Variants in VPS13C observed in about 807,000 individuals in gnomAD.
VPS13C encodes vacuolar protein sorting 13 homolog C, also known as intermembrane lipid transfer protein VPS13C.
Under a neutral mutation model 456.8 loss-of-function variants are expected in VPS13C, and 358 were observed. The observed-to-expected ratio is 0.78, with a 90% CI of 0.72 to 0.86. VPS13C has a LOEUF of 0.86. Ranked by LOEUF, VPS13C falls within the 40% of genes least tolerant of loss-of-function variation. The pLI, the probability that VPS13C is intolerant of heterozygous loss-of-function variation, is 0.00. For missense variants in VPS13C, 4,818 were observed against 4,385.4 expected (o/e 1.10, Z -2.79); for synonymous variants, 1,578 against 1,486.7 (o/e 1.06, Z -1.41).
chr15:61,993,771 GAATT>G (rs71768903), intron 16 of VPS13C, among the ~76,000 whole-genome samples: 8,072 of 151,966 alleles, frequency 0.053, 379 homozygotes, highest in African/African-American at 0.12. Context: ...AAATAAATAA[GAATT>G]AATATTTAAA....
intron 16 of VPS13C, among the ~76,000 whole-genome samples, chr15:61,992,970 T>C (rs1050489317): frequency 5.9e-5 from 9 of 152,012 alleles, no homozygotes; most frequent in Admixed American, 1.3e-4. Flanking sequence ...GCAGAGATCA[T>C]GATAAAGGGA....
intron 45 of VPS13C, among the ~76,000 whole-genome samples, chr15:61,943,055 T>C (rs1264143806): frequency 1.3e-5 from 2 of 152,064 alleles, no homozygotes; most frequent in African/African-American, 4.8e-5. Context: ...GAAATACATC[T>C]AACCAAGGAG....
At chr15:61,891,250 T>C (rs780461188) in intron 66 of VPS13C, among the ~76,000 whole-genome samples, 10 of 152,130 alleles carry the variant, frequency 6.6e-5, no homozygotes, top group African/African-American at 1.4e-4. Context: ...TTAATGAAAA[T>C]AGAACAGTTC....
At position 61,967,450 on chromosome 15, in the gene VPS13C, A is replaced by T; in HGVS notation, c.2912-3T>A. On this transcript the variant is annotated splice_region_variant and splice_polypyrimidine_tract_variant and intron_variant, in intron 28 of 84. Coordinates refer to ENST00000644861, the MANE Select transcript of VPS13C (RefSeq NM_020821.3). The stretch of plus-strand genomic sequence containing the variant: ...GTGAAGGGGCTTCCTTTTGGATCCT[A>T]GATTAAAGAAAAAGGAAAAAAAAGT... The T allele has an allele frequency of 6.3e-7, 1 of 1,580,216 alleles. No homozygotes were observed. The highest frequency in any genetic ancestry group is 2.3e-5 in the East Asian group (1 of 44,060).
intron 29 of VPS13C, among the ~76,000 whole-genome samples, chr15:61,967,043 T>C (rs1024172500): frequency 6.6e-6 from 1 of 151,940 alleles, no homozygotes; most frequent in African/African-American, 2.4e-5. Flanking sequence ...TTTATCCTTT[T>C]TGATGCAGGA....
chr15:61,864,565 T>C (rs987699066), intron 81 of VPS13C: 5 of 948,654 alleles, frequency 5.3e-6, no homozygotes, highest in Non-Finnish European at 6.3e-6. Context: ...ATATAATCAA[T>C]ATAACCACAA....
At chr15:61,856,134 A>T in intron 83 of VPS13C, 152 bp downstream of exon 83, 2 of 935,796 alleles carry the variant, frequency 2.1e-6, no homozygotes, top group Non-Finnish European at 3.0e-6. Context: ...AAATAAGTAC[A>T]GTTATTCAAA....
intron 67 of VPS13C, among the ~76,000 whole-genome samples, chr15:61,887,925 G>A (rs1453786287): frequency 2.0e-5 from 3 of 151,988 alleles, no homozygotes; most frequent in African/African-American, 7.2e-5. Context: ...CCACAGACTG[G>A]GAAAAAGTAT....
rs747919219 is a variant in VPS13C, at chr15:61,920,232, G to A, written c.7312C>T (p.Pro2438Ser). The A allele has an allele frequency of 1.2e-6, 2 of 1,613,470 alleles. No individual in the cohort carries two copies. Among genetic ancestry groups the A allele is most frequent in the Admixed American group, 1.7e-5 (1 of 59,960 alleles). ...NAVGVPIKVK[P>S]NCNLRVMGFP... Reference sequence around the variant, plus strand: ...CCCATTACTCTGAGATTACAATTGGGCTTCACCTTAATGGGAACACCTACA... The same window carrying A: ...CCCATTACTCTGAGATTACAATTGGACTTCACCTTAATGGGAACACCTACA... Residue 2438 changes from proline to serine, a missense_variant, in exon 57 of 85, where the codon CCC becomes TCC. Physicochemically the swap from Pro to Ser is moderately conservative, Grantham distance 74. Around this residue, in one of 3 missense-constraint regions of VPS13C, gnomAD observed 4,552 missense variants for 4,130.6 expected, o/e 1.10. Coordinates refer to ENST00000644861, the MANE Select transcript of VPS13C (RefSeq NM_020821.3).
At chr15:61,960,867 G>C (rs2045173314) in intron 35 of VPS13C, among the ~76,000 whole-genome samples, 2 of 152,146 alleles carry the variant, frequency 1.3e-5, no homozygotes. Context: ...CCTGATATCA[G>C]GAGTTTGAGA....
In VPS13C at chr15:61,958,652, C is replaced by A. The variant is rs1230482020; in HGVS notation, c.4121G>T (p.Gly1374Val). 3.6e-5 allele frequency: 56 copies of A among 1,574,948 alleles called. No individual in the cohort carries two copies. Among genetic ancestry groups the A allele is most frequent in the Non-Finnish European group, 4.7e-5 (55 of 1,165,466 alleles). ...TTTCACTTTATCCAAGTCTTCAGTA[C>A]CCTCACAGAGATTTTCTGTTAGTAT... Reference protein sequence around the residue: ...FRILTENLCEGTEDLDKVKPR... With the variant: ...FRILTENLCEVTEDLDKVKPR... The change falls in exon 37 of 85, where the codon GGT (glycine) becomes GTT (valine). Residue 1374 changes from glycine to valine, a missense_variant. Gly to Val is a moderately radical substitution (Grantham distance 109, BLOSUM62 -3). Around this residue, in one of 3 missense-constraint regions of VPS13C, gnomAD observed 4,552 missense variants for 4,130.6 expected, o/e 1.10. Coordinates refer to ENST00000644861, the MANE Select transcript of VPS13C (RefSeq NM_020821.3).
At chr15:61,975,258 A>G (rs2140362324) in intron 24 of VPS13C, among the ~76,000 whole-genome samples, 1 of 152,212 alleles carries the variant, frequency 6.6e-6, no homozygotes, top group East Asian at 1.9e-4. Context: ...AAGTAAGTAA[A>G]AGAAAGAAAT....
chr15:61,990,675 G>A (rs1321904897), intron 18 of VPS13C, among the ~76,000 whole-genome samples: 2 of 152,044 alleles, frequency 1.3e-5, no homozygotes, highest in African/African-American at 4.8e-5. Context: ...GCCAGGCAGG[G>A]TGGCAGGTGC....
intron 1 of VPS13C, among the ~76,000 whole-genome samples, chr15:62,056,260 T>C (rs1294785940): frequency 6.6e-6 from 1 of 152,228 alleles, no homozygotes; most frequent in Non-Finnish European, 1.5e-5. Context: ...CTTAGAGATA[T>C]ATGAATATCA....
chr15:61,955,571 C>G (rs1211695489), intron 37 of VPS13C, among the ~76,000 whole-genome samples: 1 of 152,152 alleles, frequency 6.6e-6, no homozygotes, highest in South Asian at 2.1e-4. Flanking sequence ...GGTTTCCTAA[C>G]TATCACCTTA....
rs200812059 is a variant in VPS13C at position 61,882,693 on chromosome 15, C to A, written c.9527G>T (p.Arg3176Leu). 2 of 1,594,476 alleles carry A rather than the reference C, an allele frequency of 1.3e-6. No homozygotes were observed. Among genetic ancestry groups the A allele is most frequent in the East Asian group, 2.3e-5 (1 of 44,084 alleles). ...TAAAAAGTCTCGTTTAATAGGGCTA[C>A]GAATAGGGAGGCGCATTTCCATTGG... ...KDPMEMRLPI[R>L]SPIKRDFLSG... is the part of the protein sequence containing the mutation. The change falls in exon 69 of 85, where the codon CGT becomes CTT. Residue 3176 changes from arginine (R) to leucine (L), a missense_variant. Around this residue, in one of 3 missense-constraint regions of VPS13C, gnomAD observed 4,552 missense variants for 4,130.6 expected, o/e 1.10. Coordinates refer to ENST00000644861, the MANE Select transcript of VPS13C (RefSeq NM_020821.3).
chr15:61,931,002 G>T lies in VPS13C; in HGVS notation c.6038+88C>A. The T allele has an allele frequency of 3.4e-6, 5 of 1,455,290 alleles. No homozygotes were observed. In the Admixed American group the frequency reaches 7.5e-5, roughly 22 times the overall value. 90.1% of individuals were successfully genotyped at this position (1,455,290 alleles called of 1,614,324 possible). On this transcript the variant is annotated intron_variant, in intron 50 of 84. Transcript: ENST00000644861. ...TGACCAAAAGACAGAGATCTTTTTTGGATGATCCCTAGCCTAGCAATGCCT... is the reference window on the plus strand; with the variant it reads ...TGACCAAAAGACAGAGATCTTTTTTTGATGATCCCTAGCCTAGCAATGCCT...
Position 61,909,125 on chromosome 15 carries a change from T to C in VPS13C, c.8845A>G (p.Asn2949Asp). 1 of 1,596,684 alleles carries C rather than the reference T, an allele frequency of 6.3e-7. No homozygotes were observed. The highest frequency in any genetic ancestry group is 8.5e-7 in the Non-Finnish European group (1 of 1,172,138). The change falls in exon 65 of 85, where the codon AAT (asparagine) becomes GAT (aspartate). Residue 2949 changes from asparagine (N) to aspartate (D), a missense_variant and splice_region_variant. Coordinates refer to ENST00000644861, the MANE Select transcript of VPS13C (RefSeq NM_020821.3). Reference protein sequence around the residue: ...NGTLLSLEDLNGGILVDVNTA... With the variant: ...NGTLLSLEDLDGGILVDVNTA... ...TTTACATCCACCAAGATACCCCCAT[T>C]CTATTGTAGAAAAAAAAAAAGTATG...
Position 61,919,312 on chromosome 15 carries a change from T to A in VPS13C, c.7615A>T (p.Ile2539Phe), listed in dbSNP as rs751310344. 3.7e-6 allele frequency: 6 copies of A among 1,605,330 alleles called. No homozygotes were observed. The highest frequency in any genetic ancestry group is 8.5e-7 in the Non-Finnish European group (1 of 1,176,326). ...ACCTGTAGAGGAGAGCGAAGGGTAA[T>A]TACTTTATTCCCTTCAGTTGCATCA... is the stretch of plus-strand genomic sequence containing the variant. ...QIDATEGNKVITLRSPLQIKN... is the reference protein window; with the variant it reads ...QIDATEGNKVFTLRSPLQIKN... Residue 2539 changes from isoleucine to phenylalanine, a missense_variant, in exon 58 of 85, where the codon ATT becomes TTT. Around this residue, in one of 3 missense-constraint regions of VPS13C, gnomAD observed 4,552 missense variants for 4,130.6 expected, o/e 1.10. Transcript: ENST00000644861.
Sources: gnomAD v4.1 joint callset for allele counts (sites outside exome capture counted in the v4.1 genomes callset) on GRCh38, gnomAD v4.1.1 for gene constraint, gnomAD v4.1.1 regional missense constraint, MANE v1.5 for transcripts, NCBI Gene and HGNC (gene_info 2026-07-23, HGNC 2026-07-21) for gene names.